The following NBEA variants were observed in gnomAD, a reference collection of about 807,000 sequenced individuals.
The protein encoded by NBEA is neurobeachin, also known as lysosomal-trafficking regulator 2.
Under a neutral mutation model 343.4 loss-of-function variants are expected in NBEA, and 44 were observed. The ratio of observed to expected loss-of-function variants is 0.13; its 90% CI spans 0.10 to 0.16. The LOEUF (loss-of-function observed/expected upper bound fraction) is 0.16. Among genes scored for constraint, NBEA ranks in the 10% least tolerant of loss-of-function variants. NBEA has a pLI of 1.00. For missense variants in NBEA, 2,555 were observed against 3,631.3 expected, an observed-to-expected ratio of 0.70 and a Z score of 7.62; for synonymous variants, 1,175 against 1,238.7, an observed-to-expected ratio of 0.95 and a Z score of 1.08.
intron 41 of NBEA, 84 bp downstream of exon 41, chr13:35,472,620 T>C (rs2075703683): frequency 7.1e-7 from 1 of 1,404,058 alleles, no homozygotes; most frequent in Non-Finnish European, 1.0e-6. Context: ...TACCTGACAG[T>C]GGAGGAGGGG....
intron 1 of NBEA, among the ~76,000 whole-genome samples, chr13:34,980,830 C>T (rs2060332125): frequency 6.6e-6 from 1 of 151,884 alleles, no homozygotes; most frequent in African/African-American, 2.4e-5. Context: ...TGAATTTTGT[C>T]GGATGATTTT....
chr13:35,568,327 C>T (rs893958741), intron 45 of NBEA, among the ~76,000 whole-genome samples: 1 of 152,052 alleles, frequency 6.6e-6, no homozygotes, highest in Non-Finnish European at 1.5e-5. Flanking sequence ...GATCAGTTAG[C>T]CAACATCTTA....
At chr13:35,489,288 A>G (rs1032999459) in intron 41 of NBEA, among the ~76,000 whole-genome samples, 2 of 151,862 alleles carry the variant, frequency 1.3e-5, no homozygotes, top group African/African-American at 2.4e-5. Context: ...GGCTTATGCA[A>G]TAAGAGGTGT....
chr13:35,040,876 T>G, intron 1 of NBEA, 57 bp from the exon 2 acceptor site: 2 of 1,393,644 alleles, frequency 1.4e-6, no homozygotes, highest in South Asian at 1.2e-5. Context: ...TATTTCATTC[T>G]ACTGTCATCG....
intron 34 of NBEA, among the ~76,000 whole-genome samples, chr13:35,270,959 T>G (rs2034090959): frequency 6.6e-6 from 1 of 152,170 alleles, no homozygotes; most frequent in South Asian, 2.1e-4. Context: ...ACTGCAGACT[T>G]AAACGTCCCT....
intron 38 of NBEA, among the ~76,000 whole-genome samples, chr13:35,373,008 T>A (rs534590094): frequency 6.6e-6 from 1 of 152,266 alleles, no homozygotes; most frequent in Admixed American, 6.5e-5. Flanking sequence ...GCTTCTTGTT[T>A]TATTATCAGA....
chr13:35,156,347 A>G (rs2069173547), intron 20 of NBEA, 141 bp downstream of exon 20: 2 of 753,044 alleles, frequency 2.7e-6, no homozygotes, highest in Non-Finnish European at 2.0e-6. Flanking sequence ...TTTCTTTGAC[A>G]TAATCTGTAT....
intron 41 of NBEA, chr13:35,476,546 C>T: frequency 1.7e-6 from 1 of 595,178 alleles, no homozygotes; most frequent in Non-Finnish European, 3.0e-6. Flanking sequence ...TCAAAATAAG[C>T]ACCCCTTTCC....
chr13:35,238,631 T>C (rs2152776181), intron 34 of NBEA, among the ~76,000 whole-genome samples: 1 of 152,288 alleles, frequency 6.6e-6, no homozygotes, highest in South Asian at 2.1e-4. Flanking sequence ...TCTGACCCTG[T>C]CATAATCAGC....
chr13:34,970,382 G>C (rs1270185278), intron 1 of NBEA, among the ~76,000 whole-genome samples: 1 of 151,576 alleles, frequency 6.6e-6, no homozygotes, highest in Non-Finnish European at 1.5e-5. Context: ...CTTTTGCTCT[G>C]CAGAAGCTCT....
chr13:34,987,713 A>G (rs1247196461), intron 1 of NBEA, among the ~76,000 whole-genome samples: 2 of 150,598 alleles, frequency 1.3e-5, no homozygotes, highest in African/African-American at 4.8e-5. Context: ...TTTTTTCTCT[A>G]ACTTCTCTTC....
intron 36 of NBEA, among the ~76,000 whole-genome samples, chr13:35,322,713 TTA>T (rs1163906578): frequency 3.3e-5 from 5 of 152,204 alleles, no homozygotes; most frequent in African/African-American, 1.2e-4. Flanking sequence ...ATAGTATTTC[TTA>T]TTTATACATA....
intron 49 of NBEA, among the ~76,000 whole-genome samples, chr13:35,630,956 C>A (rs535159543): frequency 1.3e-5 from 2 of 152,172 alleles, no homozygotes; most frequent in Non-Finnish European, 2.9e-5. Context: ...ACCATTCCCC[C>A]CTCTAACATA....
At chr13:35,391,586 T>C (rs183894414) in intron 38 of NBEA, among the ~76,000 whole-genome samples, 1 of 152,212 alleles carries the variant, frequency 6.6e-6, no homozygotes, top group Non-Finnish European at 1.5e-5. Flanking sequence ...CTTAAAAGAA[T>C]GTTATACATG....
At chr13:35,597,666 C>CGCAG (rs2081871012) in intron 47 of NBEA, among the ~76,000 whole-genome samples, 1 of 152,064 alleles carries the variant, frequency 6.6e-6, no homozygotes, top group South Asian at 2.1e-4. Context: ...TAAGTTCACA[C>CGCAG]GCAGGCAGGT....
intron 55 of NBEA, among the ~76,000 whole-genome samples, chr13:35,661,412 A>G (rs1024290869): frequency 6.6e-6 from 1 of 152,228 alleles, no homozygotes; most frequent in East Asian, 1.9e-4. Flanking sequence ...AAGAAGTTAG[A>G]ATGAATGAAT....
rs2061465931 is a variant in NBEA, at chr13:35,010,744, ATATATATATATAT to A, written c.295-30188_295-30176del. On this transcript the variant is annotated intron_variant, in intron 1 of 58. Coordinates refer to ENST00000379939, the MANE Select transcript of NBEA (RefSeq NM_001385012.1). ...GTCTCTACAAAAAAAAAAAAAAAAT[ATATATATATATAT>A]ATATATATATATATATATATATAAG... Among the ~76,000 whole-genome samples, 33 of 62,186 alleles carry A rather than the reference ATATATATATATAT, an allele frequency of 5.3e-4. 1 individual carries two copies. The highest frequency in any genetic ancestry group is 1.5e-3 in the East Asian group (4 of 2,722). 40.8% of individuals were successfully genotyped at this position (62,186 alleles called of 152,430 possible).
At chr13:35,068,435 G>A (rs560399944) in intron 8 of NBEA, among the ~76,000 whole-genome samples, 1 of 152,132 alleles carries the variant, frequency 6.6e-6, no homozygotes, top group Non-Finnish European at 1.5e-5. Context: ...TTCAGCAGTG[G>A]TAAATTGCAG....
chr13:35,073,286 G>A (rs769939955), intron 10 of NBEA, among the ~76,000 whole-genome samples: 30 of 152,212 alleles, frequency 2.0e-4, no homozygotes, highest in African/African-American at 7.0e-4. Flanking sequence ...ATCTTATTTA[G>A]TTGATAATAA....
Sources: gnomAD v4.1 joint callset for allele counts (sites outside exome capture counted in the v4.1 genomes callset) on GRCh38, gnomAD v4.1.1 for gene constraint, MANE v1.5 for transcripts, NCBI Gene and HGNC (gene_info 2026-07-23, HGNC 2026-07-21) for gene names.